The following ACO2 variants were observed in gnomAD, a reference collection of about 807,000 sequenced individuals.
The protein encoded by ACO2 is aconitate hydratase, mitochondrial.
A neutral mutation model predicts 84.5 loss-of-function variants in ACO2; 31 were observed. The ratio of observed to expected loss-of-function variants is 0.37; its 90% CI spans 0.28 to 0.50. The LOEUF is 0.50. ACO2 is among the 20% of genes least tolerant of loss of function. The pLI is 0.97. For synonymous variants in ACO2, 414 were observed against 412.7 expected, an observed-to-expected ratio of 1.00 and a Z score of -0.04; for missense variants, 685 against 1,029.3, an observed-to-expected ratio of 0.67 and a Z score of 4.58.
rs367841183 is a variant in ACO2 at position 41,513,728 on chromosome 22, G to A, written c.526-1649G>A. Reference sequence around the variant, plus strand: ...TTGGGACCAGGTCAGTACAGAGCAGGTCCTTAATGTATGTGTGTGTTGTGT... The same window carrying A: ...TTGGGACCAGGTCAGTACAGAGCAGATCCTTAATGTATGTGTGTGTTGTGT... On this transcript the variant is annotated intron_variant, in intron 4 of 17. Coordinates refer to ENST00000216254, the MANE Select transcript of ACO2 (RefSeq NM_001098.3). Among the ~76,000 whole-genome samples the A allele has an allele frequency of 2.6e-5, 4 of 152,322 alleles. No homozygotes were observed. In the East Asian group the frequency reaches 5.8e-4, roughly 22 times the overall value.
chr22:41,495,781 G>A (rs552814973), intron 1 of ACO2, among the ~76,000 whole-genome samples: 16 of 151,098 alleles, frequency 1.1e-4, no homozygotes, highest in East Asian at 2.0e-4. Context: ...CCACCACGCC[G>A]TAGTAGAGAC....
At chr22:41,528,146 C>A in intron 17 of ACO2, 124 bp downstream of exon 17, 1 of 1,429,836 alleles carries the variant, frequency 7.0e-7, no homozygotes, top group Non-Finnish European at 9.5e-7. Context: ...GCCCCCAGTT[C>A]TCCAGGTGGC....
chr22:41,508,086 C>T (rs763769484), intron 3 of ACO2, 37 bp downstream of exon 3: 2 of 1,584,612 alleles, frequency 1.3e-6, no homozygotes, highest in South Asian at 1.1e-5. Context: ...GGCAAGTGGG[C>T]AAGACTGGGC....
In ACO2 at chr22:41,515,764, C is replaced by T. The variant is rs1171864056; in HGVS notation, c.685-3C>T. Reference sequence around the variant, plus strand: ...CACAGCCGCCTCGCCCCCTCCTGTCCAGGTGATTGGCGTGAAGCTGACGGG... The same window carrying T: ...CACAGCCGCCTCGCCCCCTCCTGTCTAGGTGATTGGCGTGAAGCTGACGGG... On this transcript the variant is annotated splice_polypyrimidine_tract_variant and splice_region_variant and intron_variant, in intron 5 of 17. Coordinates refer to ENST00000216254, the MANE Select transcript of ACO2 (RefSeq NM_001098.3). The surrounding 1 kb of genome is among the most constrained non-coding windows in gnomAD (Gnocchi z 5.8). The T allele has an allele frequency of 2.5e-6, 4 of 1,613,134 alleles. No homozygotes were observed. Among genetic ancestry groups the T allele is most frequent in the African/African-American group, 1.3e-5 (1 of 74,898 alleles).
intron 1 of ACO2, among the ~76,000 whole-genome samples, chr22:41,481,079 T>C (rs571942654): frequency 6.6e-6 from 1 of 152,182 alleles, no homozygotes; most frequent in Non-Finnish European, 1.5e-5. Context: ...CCTAAAGTGC[T>C]GGGATTACAG....
intron 1 of ACO2, among the ~76,000 whole-genome samples, chr22:41,486,757 A>T (rs919467903): frequency 2.0e-5 from 3 of 152,062 alleles, no homozygotes; most frequent in African/African-American, 7.2e-5. Flanking sequence ...GGCGTGAGCC[A>T]TTGCTCCCGG....
intron 9 of ACO2, 109 bp from the exon 10 acceptor site, chr22:41,522,721 G>T (rs1020754517): frequency 2.3e-5 from 30 of 1,302,716 alleles, no homozygotes; most frequent in Admixed American, 2.4e-5. Flanking sequence ...CTCTGGCCCA[G>T]CCCAGATGGT....
At chr22:41,481,089 G>C (rs1354866508) in intron 1 of ACO2, among the ~76,000 whole-genome samples, 3 of 152,114 alleles carry the variant, frequency 2.0e-5, no homozygotes, top group Non-Finnish European at 4.4e-5. Flanking sequence ...TGGGATTACA[G>C]GCATGAGCCA....
intron 1 of ACO2, among the ~76,000 whole-genome samples, chr22:41,498,809 A>G (rs1490687174): frequency 6.6e-6 from 1 of 152,102 alleles, no homozygotes. Context: ...AAGGGAGGGT[A>G]ATGGCTGGGC....
At position 41,528,050 on chromosome 22, in the gene ACO2, G is replaced by T. The variant is rs1400800847; in HGVS notation, c.2208+28G>T. 3 of 1,613,686 alleles carry T rather than the reference G, an allele frequency of 1.9e-6. No individual in the cohort carries two copies. In the African/African-American group the frequency reaches 4.0e-5, roughly 22 times the overall value. On this transcript the variant is annotated intron_variant, in intron 17 of 17. Coordinates refer to ENST00000216254, the MANE Select transcript of ACO2 (RefSeq NM_001098.3). ...TAGGGGCCCGGGTCCCCCTGAGGTG[G>T]TGGGGTGAGGGGCAGCCACCTTGTT...
At chr22:41,494,951 C>T (rs907258704) in intron 1 of ACO2, among the ~76,000 whole-genome samples, 1 of 152,082 alleles carries the variant, frequency 6.6e-6, no homozygotes, top group African/African-American at 2.4e-5. Context: ...CCAGGCTGGT[C>T]TCGAACTCCT....
At chr22:41,479,682 G>T (rs530496770) in intron 1 of ACO2, among the ~76,000 whole-genome samples, 6 of 152,188 alleles carry the variant, frequency 3.9e-5, no homozygotes, top group Non-Finnish European at 8.8e-5. Context: ...GGCTAGAGGG[G>T]TGGGTTGCAC....
At chr22:41,526,704 C>A in intron 15 of ACO2, 1 of 448,758 alleles carries the variant, frequency 2.2e-6, no homozygotes, top group Non-Finnish European at 4.0e-6. Flanking sequence ...GATATCTGGC[C>A]CTAGACAAAG....
intron 1 of ACO2, among the ~76,000 whole-genome samples, chr22:41,497,869 C>A (rs914045502): frequency 4.0e-5 from 6 of 148,918 alleles, no homozygotes; most frequent in African/African-American, 1.5e-4. Context: ...GGCAACAGAG[C>A]AAGACTCCCT....
Position 41,507,704 on chromosome 22 carries a change from G to T in ACO2, c.174-87G>T, listed in dbSNP as rs955574428. 8 of 1,532,824 alleles carry T rather than the reference G, an allele frequency of 5.2e-6. No homozygotes were observed. In the African/African-American group the frequency reaches 8.2e-5, roughly 16 times the overall value. 95.0% of individuals were successfully genotyped at this position (1,532,824 alleles called of 1,614,324 possible). On this transcript the variant is annotated intron_variant, in intron 2 of 17. Coordinates refer to ENST00000216254, the MANE Select transcript of ACO2 (RefSeq NM_001098.3). The stretch of plus-strand genomic sequence containing the variant: ...CTCCCTGTCCCTGGCCACTGTTGAG[G>T]TTGCCACATGGACTGAGAGGGAGAG...
chr22:41,523,193 T>C lies in ACO2; in HGVS notation c.1297-12T>C, dbSNP rs1457544299. On this transcript the variant is annotated splice_polypyrimidine_tract_variant and intron_variant, in intron 10 of 17. Transcript: ENST00000216254. ...CCACCCTTGACATTCTGTCTTCCTC[T>C]CTCCCTGGCAGGCACAGATCTTGAG... 16 of 1,609,078 alleles carry C rather than the reference T, an allele frequency of 9.9e-6. 1 individual carries two copies. The Middle Eastern group carries it at 2.6e-3, about 266-fold the overall frequency.
intron 3 of ACO2, among the ~76,000 whole-genome samples, chr22:41,511,032 G>T (rs2066429625): frequency 6.6e-6 from 1 of 152,170 alleles, no homozygotes; most frequent in Non-Finnish European, 1.5e-5. Context: ...TTGAGGCAGG[G>T]TCTTGCCCTG....
chr22:41,486,884 T>G (rs1043463442), intron 1 of ACO2, among the ~76,000 whole-genome samples: 1 of 151,332 alleles, frequency 6.6e-6, no homozygotes, highest in Non-Finnish European at 1.5e-5. Context: ...AAGCTGCTTT[T>G]CTTTTGTTTT....
chr22:41,494,507 G>T (rs1373506031), intron 1 of ACO2, among the ~76,000 whole-genome samples: 1 of 151,384 alleles, frequency 6.6e-6, no homozygotes, highest in Non-Finnish European at 1.5e-5. Context: ...CACTTCCCGG[G>T]TTCAAGCGAT....
Sources: allele counts gnomAD v4.1 joint callset (sites outside exome capture counted in the v4.1 genomes callset), GRCh38; gene constraint gnomAD v4.1.1; non-coding constraint Gnocchi (gnomAD v3.1); transcripts MANE v1.5; gene names NCBI Gene and HGNC (gene_info 2026-07-23, HGNC 2026-07-21).